The following TANGO6 variants were observed in gnomAD, a reference collection of about 807,000 sequenced individuals.
TANGO6 encodes transport and Golgi organization protein 6 homolog.
TANGO6 carries 90 observed loss-of-function variants against 114.2 expected under a neutral mutation model. That is an observed-to-expected ratio of 0.79 (90% CI 0.66 to 0.94). TANGO6 has a LOEUF of 0.94. Among genes scored for constraint, TANGO6 ranks in the 40% least tolerant of loss-of-function variants. The pLI is 0.00. For synonymous variants in TANGO6, 477 were observed against 509.8 expected, an observed-to-expected ratio of 0.94 and a Z score of 0.87; for missense variants, 1,274 against 1,315.3, an observed-to-expected ratio of 0.97 and a Z score of 0.49.
rs560322404 is a variant in TANGO6 at position 69,022,607 on chromosome 16, G to A, written c.2843-221G>A. Reference sequence around the variant, plus strand: ...TAGTCCCAACTACTTGGGAGACTGAGGTGGGAGAATCACCAGAGCCTGGGA... The same window carrying A: ...TAGTCCCAACTACTTGGGAGACTGAAGTGGGAGAATCACCAGAGCCTGGGA... On this transcript the variant is annotated intron_variant, in intron 15 of 17. Coordinates refer to ENST00000261778, the MANE Select transcript of TANGO6 (RefSeq NM_024562.2). 4.6e-5 allele frequency among the ~76,000 whole-genome samples: 7 copies of A among 152,174 alleles called. No individual in the cohort carries two copies. The East Asian group carries it at 1.4e-3, about 29-fold the overall frequency.
chr16:69,030,923 G>A (rs1276592283), intron 16 of TANGO6, among the ~76,000 whole-genome samples: 1 of 151,752 alleles, frequency 6.6e-6, no homozygotes, highest in African/African-American at 2.4e-5. Flanking sequence ...GGGCATGGTG[G>A]TGCACGCCTG....
chr16:68,942,787 G>C (rs1292693643), intron 14 of TANGO6, among the ~76,000 whole-genome samples: 1 of 152,096 alleles, frequency 6.6e-6, no homozygotes, highest in Non-Finnish European at 1.5e-5. Context: ...TTTAAGGGGA[G>C]AAAATGCTAA....
chr16:68,982,203 G>A (rs1057467652), intron 15 of TANGO6, among the ~76,000 whole-genome samples: 7 of 152,174 alleles, frequency 4.6e-5, no homozygotes, highest in Non-Finnish European at 8.8e-5. Context: ...ATCCAGGGCT[G>A]CCACATATAA....
intron 14 of TANGO6, among the ~76,000 whole-genome samples, chr16:68,948,903 G>T (rs1311636414): frequency 6.6e-6 from 1 of 152,192 alleles, no homozygotes; most frequent in Admixed American, 6.5e-5. Context: ...TCAATCCTGG[G>T]TGGCTGGGTG....
intron 15 of TANGO6, among the ~76,000 whole-genome samples, chr16:69,001,213 C>T (rs1234975634): frequency 6.6e-6 from 1 of 152,146 alleles, no homozygotes; most frequent in African/African-American, 2.4e-5. Flanking sequence ...GGGGAAATGG[C>T]TCACCCTCTA....
chr16:69,020,995 C>G (rs1415611538), intron 15 of TANGO6, among the ~76,000 whole-genome samples: 3 of 150,508 alleles, frequency 2.0e-5, no homozygotes, highest in African/African-American at 7.4e-5. Context: ...GTTGTCTTTC[C>G]AGCTACTTAC....
chr16:68,889,115 C>T (rs1053712696), intron 7 of TANGO6, among the ~76,000 whole-genome samples: 2 of 152,192 alleles, frequency 1.3e-5, no homozygotes, highest in Admixed American at 6.5e-5. Flanking sequence ...TGAGCCACCA[C>T]GCCCACCAAT....
intron 1 of TANGO6, 38 bp from the exon 2 acceptor site, chr16:68,859,846 C>G (rs1962060977): frequency 1.3e-6 from 2 of 1,515,520 alleles, no homozygotes; most frequent in African/African-American, 1.4e-5. Context: ...AGCTTGTTTT[C>G]TATGTGTATA....
chr16:69,014,395 A>C (rs74025356), intron 15 of TANGO6, among the ~76,000 whole-genome samples: 83 of 152,304 alleles, frequency 5.4e-4, no homozygotes, highest in African/African-American at 1.9e-3. Flanking sequence ...GAACTGGGTC[A>C]CATGCCCATG....
In TANGO6 at chr16:68,860,166, C is replaced by T. The variant is rs1567525408; in HGVS notation, c.377C>T (p.Pro126Leu). The T allele has an allele frequency of 1.4e-5, 22 of 1,613,860 alleles. No homozygotes were observed. Among genetic ancestry groups the T allele is most frequent in the African/African-American group, 6.7e-5 (5 of 74,904 alleles). Residue 126 changes from proline (P) to leucine (L), a missense_variant, in exon 2 of 18, where the codon CCG becomes CTG. By Grantham distance (98) the Pro-to-Leu change is moderately conservative. Coordinates refer to ENST00000261778, the MANE Select transcript of TANGO6 (RefSeq NM_024562.2). The part of the protein sequence containing the change: ...FNPGKPNPRT[P>L]EVAPALSPDA... The stretch of plus-strand genomic sequence containing the variant: ...CCAGGTAAACCCAACCCTAGGACTC[C>T]GGAAGTTGCTCCTGCCCTGAGCCCC...
chr16:68,975,044 C>T (rs1597043582), intron 15 of TANGO6, among the ~76,000 whole-genome samples: 1 of 151,894 alleles, frequency 6.6e-6, no homozygotes, highest in South Asian at 2.1e-4. Flanking sequence ...GGCAATAGAG[C>T]GAGACTCAGA....
chr16:69,020,131 C>A (rs1051551757), intron 15 of TANGO6, among the ~76,000 whole-genome samples: 2 of 152,066 alleles, frequency 1.3e-5, no homozygotes, highest in African/African-American at 4.8e-5. Context: ...TCAAATGTCC[C>A]AGTGTCCCAG....
intron 15 of TANGO6, among the ~76,000 whole-genome samples, chr16:68,991,712 G>A (rs1344515375): frequency 6.6e-6 from 1 of 152,106 alleles, no homozygotes; most frequent in African/African-American, 2.4e-5. Flanking sequence ...CAGCTACTCG[G>A]GAGGCTGAGG....
rs1391701908 is a variant in TANGO6, at chr16:69,052,898, C to T, written c.3108+12477C>T. 2.6e-5 allele frequency among the ~76,000 whole-genome samples: 4 copies of T among 152,108 alleles called. No individual in the cohort carries two copies. The South Asian group carries it at 6.2e-4, about 24-fold the overall frequency. On this transcript the variant is annotated intron_variant, in intron 17 of 17. Coordinates refer to ENST00000261778, the MANE Select transcript of TANGO6 (RefSeq NM_024562.2). The stretch of plus-strand genomic sequence containing the variant: ...CCGAGGTGGGTGGATCACCTGAGGT[C>T]AGGAGTTCGAGACCAGCCTGGCCAA...
chr16:69,077,964 C>A (rs897510029), intron 17 of TANGO6, among the ~76,000 whole-genome samples: 7 of 152,098 alleles, frequency 4.6e-5, no homozygotes, highest in Admixed American at 2.0e-4. Flanking sequence ...ATACCACCAG[C>A]CTGCCCCACA....
At chr16:69,067,889 A>G (rs1356287072) in intron 17 of TANGO6, among the ~76,000 whole-genome samples, 1 of 147,978 alleles carries the variant, frequency 6.8e-6, no homozygotes, top group Non-Finnish European at 1.5e-5. Flanking sequence ...GTGAGCCAAG[A>G]TTGCACCACT....
intron 17 of TANGO6, among the ~76,000 whole-genome samples, chr16:69,063,643 CAAAAAA>C (rs770332921): frequency 5.6e-5 from 2 of 35,774 alleles, no homozygotes; most frequent in African/African-American, 8.7e-5. Flanking sequence ...ACTCCATCTC[CAAAAAA>C]AAAAAAAAAA....
chr16:68,963,265 A>T (rs1234916318), intron 14 of TANGO6, among the ~76,000 whole-genome samples: 1 of 151,928 alleles, frequency 6.6e-6, no homozygotes, highest in East Asian at 1.9e-4. Context: ...GGGATTACAG[A>T]TGTGGGCTAC....
Position 68,928,050 on chromosome 16 carries a change from A to G in TANGO6, c.2610A>G (p.Ala870=). The change falls in exon 13 of 18, where the codon GCA becomes GCG. Residue 870 remains alanine (A), a synonymous_variant. Transcript: ENST00000261778. ...CCCACTGGATAGAGCAGAGAGAAGCAAAAGCCCTTGAGATGCAAGAGAAGC... is the reference window on the plus strand; with the variant it reads ...CCCACTGGATAGAGCAGAGAGAAGCGAAAGCCCTTGAGATGCAAGAGAAGC... The part of the protein sequence containing the change: ...TLSHWIEQRE[A]KALEMQEKLL... The G allele has an allele frequency of 6.3e-7, 1 of 1,595,396 alleles. No individual in the cohort carries two copies.
Sources: gnomAD v4.1 joint callset for allele counts (sites outside exome capture counted in the v4.1 genomes callset) on GRCh38, gnomAD v4.1.1 for gene constraint, MANE v1.5 for transcripts, NCBI Gene and HGNC (gene_info 2026-07-23, HGNC 2026-07-21) for gene names.